The following DACH1 variants were observed in gnomAD, a reference collection of about 807,000 sequenced individuals.
The protein encoded by DACH1 is dachshund family transcription factor 1.
DACH1 carries 12 observed loss-of-function variants against 54.2 expected under a neutral mutation model. The ratio of observed to expected loss-of-function variants is 0.22; its 90% CI spans 0.14 to 0.36. The LOEUF (loss-of-function observed/expected upper bound fraction) is 0.36. Among genes scored for constraint, DACH1 ranks in the 10% least tolerant of loss-of-function variants. The probability of loss-of-function intolerance (pLI) is 1.00; values close to 1 mark genes in which losing one functional copy is unlikely to be tolerated. For synonymous variants in DACH1, 386 were observed against 366.2 expected, an observed-to-expected ratio of 1.05 and a Z score of -0.62; for missense variants, 805 against 929.8, an observed-to-expected ratio of 0.87 and a Z score of 1.75.
chr13:71,556,208 T>G (rs1189940023), intron 6 of DACH1, among the ~76,000 whole-genome samples: 1 of 152,158 alleles, frequency 6.6e-6, no homozygotes, highest in Non-Finnish European at 1.5e-5. Context: ...TGTGCCCCTT[T>G]TATGTTTTCC....
At chr13:71,475,948 T>A in intron 8 of DACH1, 99 bp from the exon 9 acceptor site, 1 of 931,918 alleles carries the variant, frequency 1.1e-6, no homozygotes, top group Non-Finnish European at 1.4e-6. Flanking sequence ...TTCATTTTGT[T>A]TTCCTGCTGA....
At chr13:71,696,129 G>C (rs939990678) in intron 1 of DACH1, among the ~76,000 whole-genome samples, 3 of 152,048 alleles carry the variant, frequency 2.0e-5, no homozygotes, top group Non-Finnish European at 2.9e-5. Flanking sequence ...CTGGGTGACG[G>C]GGTCATCTTC....
chr13:71,483,747 C>A (rs964519504), intron 7 of DACH1, among the ~76,000 whole-genome samples: 1 of 151,744 alleles, frequency 6.6e-6, no homozygotes, highest in African/African-American at 2.4e-5. Flanking sequence ...GATGGTGGTC[C>A]CATAAGATTA....
chr13:71,573,074 C>T, intron 3 of DACH1, 62 bp from the exon 4 acceptor site: 1 of 1,495,086 alleles, frequency 6.7e-7, no homozygotes, highest in Non-Finnish European at 9.0e-7. Context: ...AAAATTGAAA[C>T]AGTCAAAAGT....
intron 1 of DACH1, among the ~76,000 whole-genome samples, chr13:71,857,537 T>C (rs1375155098): frequency 6.6e-6 from 1 of 151,698 alleles, no homozygotes; most frequent in Non-Finnish European, 1.5e-5. Context: ...TGTACGACAA[T>C]TATTTAAAGC....
chr13:71,792,368 A>ACC (rs1426076407), intron 1 of DACH1, among the ~76,000 whole-genome samples: 4 of 143,920 alleles, frequency 2.8e-5, no homozygotes, highest in Non-Finnish European at 6.1e-5. Flanking sequence ...ACACACACAC[A>ACC]CACCCCTGGA....
chr13:71,476,580 CTAA>C (rs1877539803), intron 8 of DACH1, among the ~76,000 whole-genome samples: 1 of 151,866 alleles, frequency 6.6e-6, no homozygotes, highest in African/African-American at 2.4e-5. Flanking sequence ...ACCCCCATTG[CTAA>C]TAATAATATG....
intron 7 of DACH1, among the ~76,000 whole-genome samples, chr13:71,482,740 CT>C (rs550459738): frequency 1.0e-3 from 151 of 148,144 alleles, no homozygotes; most frequent in African/African-American, 3.5e-3. Flanking sequence ...GAATCAGGAA[CT>C]TTTGTAGACC....
At chr13:71,700,175 G>C (rs1882044859) in intron 1 of DACH1, among the ~76,000 whole-genome samples, 1 of 152,084 alleles carries the variant, frequency 6.6e-6, no homozygotes. Context: ...GAAGTCAATG[G>C]AGCTAGCAAA....
chr13:71,735,028 G>GAT (rs1167740642), intron 1 of DACH1, among the ~76,000 whole-genome samples: 11 of 145,802 alleles, frequency 7.5e-5, no homozygotes, highest in East Asian at 2.0e-4. Flanking sequence ...ACACACACAG[G>GAT]ATATATATAT....
intron 2 of DACH1, among the ~76,000 whole-genome samples, chr13:71,679,711 G>T (rs1249400269): frequency 6.6e-6 from 1 of 151,948 alleles, no homozygotes. Flanking sequence ...TTGGCCAGGC[G>T]CAGTGGCTCA....
chr13:71,471,959 C>G lies in DACH1; in HGVS notation c.2083+3182G>C, dbSNP rs141842200. On this transcript the variant is annotated intron_variant, in intron 10 of 10. Coordinates refer to ENST00000613252, the MANE Select transcript of DACH1 (RefSeq NM_080759.6). ...GATATTTACTGACTGGCCCAAAACA[C>G]TGCTCGATGATTGTTTTTATGAACT... Among the ~76,000 whole-genome samples the G allele has an allele frequency of 1.2e-3, 190 of 152,148 alleles. 1 individual carries two copies. The highest frequency in any genetic ancestry group is 4.4e-3 in the African/African-American group (184 of 41,508).
intron 3 of DACH1, among the ~76,000 whole-genome samples, chr13:71,617,662 A>G (rs139197691): frequency 2.0e-4 from 30 of 152,362 alleles, no homozygotes; most frequent in African/African-American, 6.3e-4. Flanking sequence ...AACAACATTT[A>G]CAACTACTCT....
chr13:71,604,276 TA>T (rs1874720560), intron 3 of DACH1, among the ~76,000 whole-genome samples: 1 of 151,992 alleles, frequency 6.6e-6, no homozygotes, highest in Non-Finnish European at 1.5e-5. Context: ...ATATTTACTA[TA>T]AAAATACTTA....
intron 1 of DACH1, among the ~76,000 whole-genome samples, chr13:71,798,086 C>T (rs967694012): frequency 6.6e-6 from 1 of 151,740 alleles, no homozygotes; most frequent in African/African-American, 2.4e-5. Flanking sequence ...ACAACTTAGC[C>T]TGGTCAAAAT....
intron 6 of DACH1, among the ~76,000 whole-genome samples, chr13:71,507,603 T>C (rs73521221): frequency 0.01 from 1,523 of 152,220 alleles, 25 homozygotes; most frequent in African/African-American, 0.035. Context: ...TGCAACACTG[T>C]ATAGAAAATA....
chr13:71,654,071 A>G (rs1173768986), intron 2 of DACH1, among the ~76,000 whole-genome samples: 1 of 152,130 alleles, frequency 6.6e-6, no homozygotes, highest in Non-Finnish European at 1.5e-5. Flanking sequence ...AATGATGTGC[A>G]AAGGGATAGG....
chr13:71,545,719 G>T (rs1883424672), intron 6 of DACH1, among the ~76,000 whole-genome samples: 1 of 152,118 alleles, frequency 6.6e-6, no homozygotes, highest in East Asian at 1.9e-4. Context: ...CATTTGTGCT[G>T]TCTTTTAAAT....
intron 1 of DACH1, among the ~76,000 whole-genome samples, chr13:71,854,505 C>T (rs1873874601): frequency 6.6e-6 from 1 of 151,998 alleles, no homozygotes; most frequent in South Asian, 2.1e-4. Context: ...CATTTTATAG[C>T]AAGAGTTTTT....
Sources: gnomAD v4.1 joint callset for allele counts (sites outside exome capture counted in the v4.1 genomes callset) on GRCh38, gnomAD v4.1.1 for gene constraint, MANE v1.5 for transcripts, NCBI Gene and HGNC (gene_info 2026-07-23, HGNC 2026-07-21) for gene names.